The following PAPSS2 variants were observed in gnomAD, a reference collection of about 807,000 sequenced individuals.
PAPSS2 encodes 3'-phosphoadenosine 5'-phosphosulfate synthase 2.
Under a neutral mutation model 66.5 loss-of-function variants are expected in PAPSS2, and 61 were observed. The observed-to-expected ratio is 0.92, with a 90% confidence interval of 0.75 to 1.14. The LOEUF (loss-of-function observed/expected upper bound fraction) is 1.14, where lower values mean the gene tolerates loss of function less well. PAPSS2 is among the 50% of genes most tolerant of loss of function. The probability of loss-of-function intolerance (pLI) is 0.00; values close to 1 mark genes in which losing one functional copy is unlikely to be tolerated. For synonymous variants in PAPSS2, 289 were observed against 287.5 expected, an observed-to-expected ratio of 1.01 and a Z score of -0.05; for missense variants, 708 against 789.6, an observed-to-expected ratio of 0.90 and a Z score of 1.24.
At chr10:87,671,233 A>C (rs530833615) in intron 1 of PAPSS2, among the ~76,000 whole-genome samples, 15 of 152,338 alleles carry the variant, frequency 9.8e-5, no homozygotes, top group African/African-American at 3.6e-4. Flanking sequence ...GTGAGAATGC[A>C]AAAGGATCTT....
intron 7 of PAPSS2, among the ~76,000 whole-genome samples, chr10:87,716,153 G>A (rs1201939915): frequency 6.6e-6 from 1 of 152,194 alleles, no homozygotes; most frequent in Non-Finnish European, 1.5e-5. Flanking sequence ...GCACGCAGAA[G>A]TACCATTGCC....
At chr10:87,673,953 C>T (rs1364022063) in intron 1 of PAPSS2, among the ~76,000 whole-genome samples, 1 of 152,092 alleles carries the variant, frequency 6.6e-6, no homozygotes, top group Non-Finnish European at 1.5e-5. Context: ...GAGCCCTTTT[C>T]CTTCTGCATG....
chr10:87,740,720 G>A (rs1454418763), intron 9 of PAPSS2, among the ~76,000 whole-genome samples: 3 of 152,098 alleles, frequency 2.0e-5, no homozygotes, highest in African/African-American at 7.2e-5. Flanking sequence ...CCTACCTATA[G>A]TTGGACTTCC....
chr10:87,676,860 G>A (rs1852954295), intron 1 of PAPSS2, among the ~76,000 whole-genome samples: 1 of 101,920 alleles, frequency 9.8e-6, no homozygotes, highest in South Asian at 3.7e-4. Flanking sequence ...ATGACAGAAT[G>A]AGACCCTGTC....
chr10:87,677,000 C>A lies in PAPSS2; in HGVS notation c.27+16992C>A, dbSNP rs143441555. ...CTTGAGGTCAGGAGTTCGAGACCAACTTGGACAACATGATGAAACCCCATC... is the reference window on the plus strand; with the variant it reads ...CTTGAGGTCAGGAGTTCGAGACCAAATTGGACAACATGATGAAACCCCATC... On this transcript the variant is annotated intron_variant, in intron 1 of 12. Coordinates refer to ENST00000456849, the MANE Select transcript of PAPSS2 (RefSeq NM_001015880.2). Among the ~76,000 whole-genome samples, 813 of 148,796 alleles carry A rather than the reference C, an allele frequency of 5.5e-3. 10 individuals are homozygous for A. Among genetic ancestry groups the A allele is most frequent in the African/African-American group, 0.019 (768 of 40,514 alleles).
intron 1 of PAPSS2, among the ~76,000 whole-genome samples, chr10:87,691,806 T>A (rs1029604022): frequency 7.2e-5 from 11 of 152,172 alleles, no homozygotes; most frequent in African/African-American, 2.6e-4. Flanking sequence ...ATTTTAAAAA[T>A]TAGCCAGGTA....
rs951597959 is a variant in PAPSS2 at position 87,660,112 on chromosome 10, G to A, written c.27+104G>A. The A allele has an allele frequency of 8.3e-6, 10 of 1,207,698 alleles. No individual in the cohort carries two copies. In the African/African-American group the frequency reaches 1.3e-4, roughly 16 times the overall value. The allele number at this position is 1,207,698 out of a possible 1,614,324, so 74.8% of individuals were successfully genotyped here. A position where few individuals can be genotyped will look rare whatever the true frequency, so the allele number is the denominator to read the frequency against. The stretch of plus-strand genomic sequence containing the variant: ...TGGGTCCCACCCTCCCCGGGAGGGG[G>A]CGTCGGGAGGAGGAGTAAGAGTGGG... On this transcript the variant is annotated intron_variant, in intron 1 of 12. Coordinates refer to ENST00000456849, the MANE Select transcript of PAPSS2 (RefSeq NM_001015880.2).
In PAPSS2 at chr10:87,743,561, C is replaced by T. The variant is rs1458756478; in HGVS notation, c.1411C>T (p.Leu471Phe). Residue 471 changes from leucine to phenylalanine, a missense_variant, in exon 11 of 13, where the codon CTC becomes TTC. By Grantham distance (22) the Leu-to-Phe change is conservative. Transcript: ENST00000456849. The stretch of plus-strand genomic sequence containing the variant: ...GCGGATGAAGCAGCACGCGGCTGTG[C>T]TCGAGGAAGGGGTCCTGGATCCCAA... ...DWRMKQHAAV[L>F]EEGVLDPKST... The T allele has an allele frequency of 1.9e-6, 3 of 1,614,012 alleles. No homozygotes were observed. The highest frequency in any genetic ancestry group is 2.5e-6 in the Non-Finnish European group (3 of 1,180,002).
At chr10:87,693,864 C>T (rs78669947) in intron 1 of PAPSS2, among the ~76,000 whole-genome samples, 8,533 of 152,158 alleles carry the variant, frequency 0.056, 795 homozygotes, top group African/African-American at 0.19. Context: ...TGTGGTGGGG[C>T]CTAGAAGAAG....
intron 10 of PAPSS2, among the ~76,000 whole-genome samples, chr10:87,742,970 G>C (rs1213264115): frequency 2.0e-5 from 3 of 152,234 alleles, no homozygotes; most frequent in African/African-American, 7.2e-5. Flanking sequence ...GATAGGCTGG[G>C]TGCAGTGGCT....
intron 1 of PAPSS2, among the ~76,000 whole-genome samples, chr10:87,668,686 GTGTGTT>G: frequency 6.8e-6 from 1 of 147,926 alleles, no homozygotes; most frequent in East Asian, 2.1e-4. Context: ...GTGTGTGTGT[GTGTGTT>G]TAAAAATAAT....
Position 87,745,877 on chromosome 10 carries a change from C to G in PAPSS2, c.1767C>G (p.Leu589=). 1.2e-6 allele frequency: 2 copies of G among 1,614,030 alleles called. No homozygotes were observed. Among genetic ancestry groups the G allele is most frequent in the Non-Finnish European group, 1.7e-6 (2 of 1,179,976 alleles). The change falls in exon 13 of 13, where the codon CTC becomes CTG. Residue 589 remains leucine (L), a synonymous_variant. Transcript: ENST00000456849. ...DFISGTRMRK[L]AREGENPPDG... ...TCTCAGGAACTCGAATGAGGAAGCT[C>G]GCCCGGGAAGGAGAGAATCCCCCAG...
At chr10:87,715,977 T>A (rs1250826280) in intron 7 of PAPSS2, 134 bp downstream of exon 7, 1 of 708,728 alleles carries the variant, frequency 1.4e-6, no homozygotes. Flanking sequence ...TCATTTACAG[T>A]GTGCTCCATT....
At chr10:87,671,509 CA>C in intron 1 of PAPSS2, among the ~76,000 whole-genome samples, 1 of 152,224 alleles carries the variant, frequency 6.6e-6, no homozygotes, top group African/African-American at 2.4e-5. Flanking sequence ...TGAATGCATA[CA>C]CTCAAGAATA....
chr10:87,737,667 AT>A (rs1853817582), intron 9 of PAPSS2, among the ~76,000 whole-genome samples: 1 of 152,012 alleles, frequency 6.6e-6, no homozygotes, highest in Non-Finnish European at 1.5e-5. Context: ...CAAAAAAAAA[AT>A]TTTAAAATTA....
In PAPSS2 at chr10:87,701,281, TTTC is replaced by T. The variant is rs1275304852; in HGVS notation, c.28-7912_28-7910del. On this transcript the variant is annotated intron_variant, in intron 1 of 12. Coordinates refer to ENST00000456849, the MANE Select transcript of PAPSS2 (RefSeq NM_001015880.2). ...TTTCTTCCTTTCTTCCTTTCTCTTT[TTTC>T]TTTCTTTCTTTCTTTTTTCCTTCCT... Among the ~76,000 whole-genome samples, 112 of 149,814 alleles carry T rather than the reference TTTC, an allele frequency of 7.5e-4. 2 individuals are homozygous for T. The Middle Eastern group carries it at 0.01, about 14-fold the overall frequency.
intron 1 of PAPSS2, among the ~76,000 whole-genome samples, chr10:87,698,059 T>A (rs1853256902): frequency 6.6e-6 from 1 of 152,254 alleles, no homozygotes; most frequent in African/African-American, 2.4e-5. Flanking sequence ...TAAAAAGTCA[T>A]GCGGAATTTT....
intron 1 of PAPSS2, among the ~76,000 whole-genome samples, chr10:87,671,217 ATGAC>A: frequency 6.6e-6 from 1 of 152,138 alleles, no homozygotes; most frequent in East Asian, 1.9e-4. Flanking sequence ...AATGGATACT[ATGAC>A]TGTGAGAATG....
At chr10:87,720,685 G>T (rs1589437058) in intron 7 of PAPSS2, among the ~76,000 whole-genome samples, 2 of 151,684 alleles carry the variant, frequency 1.3e-5, no homozygotes, top group Middle Eastern at 3.4e-3. Context: ...TTTCTCAAAG[G>T]TTTATATTTT....
Sources: allele counts gnomAD v4.1 joint callset (sites outside exome capture counted in the v4.1 genomes callset), GRCh38; gene constraint gnomAD v4.1.1; transcripts MANE v1.5; gene names NCBI Gene and HGNC (gene_info 2026-07-23, HGNC 2026-07-21).